VRK1: variants seen among roughly 807,000 people sequenced by gnomAD.
VRK1 encodes serine/threonine-protein kinase VRK1.
VRK1 carries 33 observed loss-of-function variants against 57.1 expected under a neutral mutation model. The observed-to-expected ratio is 0.58, with a 90% confidence interval of 0.44 to 0.77. The LOEUF is 0.77. Among genes scored for constraint, VRK1 ranks in the 30% least tolerant of loss-of-function variants. The pLI is 0.00. For synonymous variants in VRK1, 137 were observed against 147.8 expected (o/e 0.93, Z 0.53); for missense variants, 413 against 477.3 (o/e 0.87, Z 1.25).
chr14:96,857,999 G>C (rs1354102545), intron 10 of VRK1, among the ~76,000 whole-genome samples: 1 of 152,070 alleles, frequency 6.6e-6, no homozygotes, highest in Admixed American at 6.5e-5. Context: ...TTCTGTTAGT[G>C]TCCTTTTCTT....
At chr14:96,828,367 T>C (rs748898504) in intron 1 of VRK1, among the ~76,000 whole-genome samples, 3 of 152,202 alleles carry the variant, frequency 2.0e-5, no homozygotes, top group Non-Finnish European at 4.4e-5. Flanking sequence ...CACTTTGTAG[T>C]GTCAGACTTT....
chr14:96,839,809 T>C (rs927589099), intron 3 of VRK1, among the ~76,000 whole-genome samples: 1 of 152,208 alleles, frequency 6.6e-6, no homozygotes, highest in Admixed American at 6.5e-5. Flanking sequence ...TACTAGTTTA[T>C]AGTTTGCCTA....
Position 96,869,833 on chromosome 14 carries a change from G to A in VRK1, c.1069-6197G>A, listed in dbSNP as rs536226003. On this transcript the variant is annotated intron_variant, in intron 11 of 12. Coordinates refer to ENST00000216639, the MANE Select transcript of VRK1 (RefSeq NM_003384.3). The stretch of plus-strand genomic sequence containing the variant: ...TGTTTTGTGGACATAAGTTTATTGA[G>A]GGAAGATCAGGTAGTATGTTTTTAA... 2.0e-5 allele frequency among the ~76,000 whole-genome samples: 3 copies of A among 152,182 alleles called. No homozygotes were observed. In the South Asian group the frequency reaches 6.2e-4, roughly 32 times the overall value.
At chr14:96,880,202 A>C (rs1416303223) in intron 12 of VRK1, among the ~76,000 whole-genome samples, 1 of 152,220 alleles carries the variant, frequency 6.6e-6, no homozygotes, top group South Asian at 2.1e-4. Flanking sequence ...ACTGACCTTC[A>C]TGTTAAGTAA....
At chr14:96,805,984 CTT>C (rs368273142) in intron 1 of VRK1, among the ~76,000 whole-genome samples, 2 of 126,364 alleles carry the variant, frequency 1.6e-5, no homozygotes, top group Non-Finnish European at 1.7e-5. Flanking sequence ...GAGAATTTTT[CTT>C]TTTTTTTTTT....
chr14:96,816,671 A>G (rs1306223692), intron 1 of VRK1, among the ~76,000 whole-genome samples: 1 of 152,190 alleles, frequency 6.6e-6, no homozygotes, highest in Non-Finnish European at 1.5e-5. Context: ...AATTTGAGCA[A>G]CAATATCAGT....
intron 1 of VRK1, among the ~76,000 whole-genome samples, chr14:96,814,039 TATTA>T (rs570921164): frequency 1.7e-3 from 260 of 152,288 alleles, no homozygotes; most frequent in Middle Eastern, 6.8e-3. Context: ...ATATTGATGG[TATTA>T]ATTGTAATAT....
chr14:96,820,016 A>G (rs1008689940), intron 1 of VRK1, among the ~76,000 whole-genome samples: 1 of 152,120 alleles, frequency 6.6e-6, no homozygotes, highest in Non-Finnish European at 1.5e-5. Flanking sequence ...AAGCTGTACT[A>G]GGTTAGACTG....
At position 96,809,325 on chromosome 14, in the gene VRK1, A is replaced by C. The variant is rs1030452222; in HGVS notation, c.-6+11878A>C. Among the ~76,000 whole-genome samples, 6 of 152,208 alleles carry C rather than the reference A, an allele frequency of 3.9e-5. No individual in the cohort carries two copies. In the South Asian group the frequency reaches 6.2e-4, roughly 16 times the overall value. ...TGTCTTTATGAGAGGTGTGTCAAAG[A>C]ATTTGTGGTCATTTTTAAAAACTAC... On this transcript the variant is annotated intron_variant, in intron 1 of 12. Coordinates refer to ENST00000216639, the MANE Select transcript of VRK1 (RefSeq NM_003384.3).
chr14:96,874,749 A>G (rs1347727492), intron 11 of VRK1, among the ~76,000 whole-genome samples: 1 of 152,238 alleles, frequency 6.6e-6, no homozygotes, highest in Non-Finnish European at 1.5e-5. Context: ...TACATAGATA[A>G]TAACAGTTCT....
chr14:96,819,641 T>G (rs1886524246), intron 1 of VRK1, among the ~76,000 whole-genome samples: 1 of 152,190 alleles, frequency 6.6e-6, no homozygotes, highest in African/African-American at 2.4e-5. Flanking sequence ...CAATGAGAAG[T>G]AAGTTAGTTT....
chr14:96,828,154 C>T (rs1303001116), intron 1 of VRK1, among the ~76,000 whole-genome samples: 1 of 129,956 alleles, frequency 7.7e-6, no homozygotes, highest in East Asian at 6.8e-4. Context: ...TATTCATTTT[C>T]CTGTTGTTGG....
At chr14:96,875,457 A>T (rs1309192478) in intron 11 of VRK1, among the ~76,000 whole-genome samples, 1 of 152,222 alleles carries the variant, frequency 6.6e-6, no homozygotes, top group East Asian at 1.9e-4. Flanking sequence ...GGCCCTCTTA[A>T]ACTTTTAATA....
chr14:96,801,009 A>G (rs914325737), intron 1 of VRK1, among the ~76,000 whole-genome samples: 3 of 152,194 alleles, frequency 2.0e-5, no homozygotes, highest in Admixed American at 6.5e-5. Flanking sequence ...GGGACTAAAC[A>G]TGAGAACTGA....
chr14:96,873,051 T>C (rs1485863626), intron 11 of VRK1, among the ~76,000 whole-genome samples: 1 of 152,174 alleles, frequency 6.6e-6, no homozygotes, highest in African/African-American at 2.4e-5. Context: ...TGTAGACTTT[T>C]GTCTTATGGG....
rs1268854839 is a variant in VRK1 at position 96,879,228 on chromosome 14, TAAAG to T, written c.1160-1947_1160-1944del. Among the ~76,000 whole-genome samples the T allele has an allele frequency of 2.7e-3, 250 of 92,186 alleles. 1 individual carries two copies. Among genetic ancestry groups the T allele is most frequent in the African/African-American group, 0.01 (240 of 23,112 alleles). 60.5% of individuals were successfully genotyped at this position (92,186 alleles called of 152,430 possible). A position where few individuals can be genotyped will look rare whatever the true frequency, so the allele number is the denominator to read the frequency against. On this transcript the variant is annotated intron_variant, in intron 12 of 12. Transcript: ENST00000216639. ...TTATGAAAATGGTTATATATTTAAT[TAAAG>T]AGATAAGGTAGTTTTTTTTGTAACA... is the stretch of plus-strand genomic sequence containing the variant.
At chr14:96,860,807 T>C (rs942078294) in intron 11 of VRK1, 72 bp downstream of exon 11, 1 of 1,522,394 alleles carries the variant, frequency 6.6e-7, no homozygotes, top group African/African-American at 1.4e-5. Context: ...AAAGAAAGTA[T>C]AGCAGTAGTT....
At chr14:96,829,649 A>G (rs948490372) in intron 1 of VRK1, among the ~76,000 whole-genome samples, 3 of 152,216 alleles carry the variant, frequency 2.0e-5, no homozygotes, top group African/African-American at 7.2e-5. Context: ...GCATCATTCC[A>G]CATGTATGCA....
intron 12 of VRK1, among the ~76,000 whole-genome samples, chr14:96,878,030 G>A (rs1263487612): frequency 2.0e-5 from 3 of 152,084 alleles, no homozygotes; most frequent in African/African-American, 4.8e-5. Context: ...AGAAGATAAA[G>A]AATAGTCAGA....
Sources: allele counts gnomAD v4.1 joint callset (sites outside exome capture counted in the v4.1 genomes callset), GRCh38; gene constraint gnomAD v4.1.1; transcripts MANE v1.5; gene names NCBI Gene and HGNC (gene_info 2026-07-23, HGNC 2026-07-21).